Variants in PCLO observed in about 807,000 individuals in gnomAD.
PCLO encodes the protein piccolo presynaptic cytomatrix protein.
PCLO carries 82 observed loss-of-function variants against 427.5 expected under a neutral mutation model. The ratio of observed to expected loss-of-function variants is 0.19; its 90% confidence interval spans 0.16 to 0.23. The LOEUF (loss-of-function observed/expected upper bound fraction) is 0.23. PCLO is among the 10% of genes least tolerant of loss of function. The pLI, the probability that PCLO is intolerant of heterozygous loss-of-function variation, is 1.00. For missense variants in PCLO, 6,239 were observed against 6,115.9 expected (o/e 1.02, Z -0.67); for synonymous variants, 2,357 against 2,155.4 (o/e 1.09, Z -2.59).
rs1486296551 is a variant in PCLO, at chr7:82,840,662, T to C, written c.14097+797A>G. 2.0e-5 allele frequency among the ~76,000 whole-genome samples: 3 copies of C among 152,198 alleles called. No individual in the cohort carries two copies. The East Asian group carries it at 5.8e-4, about 29-fold the overall frequency. Reference sequence around the variant, plus strand: ...AATCTCCCTTTCTTTATGCTTATCTTCAAATTAATTCGAGTTTCTGTTATC... The same window carrying C: ...AATCTCCCTTTCTTTATGCTTATCTCCAAATTAATTCGAGTTTCTGTTATC... On this transcript the variant is annotated intron_variant, in intron 14 of 24. Coordinates refer to ENST00000333891, the MANE Select transcript of PCLO (RefSeq NM_033026.6).
At chr7:83,036,237 G>C (rs539876618) in intron 3 of PCLO, among the ~76,000 whole-genome samples, 2 of 152,038 alleles carry the variant, frequency 1.3e-5, no homozygotes, top group African/African-American at 4.8e-5. Flanking sequence ...TCACCTAGAA[G>C]GCTTGATAAA....
intron 3 of PCLO, among the ~76,000 whole-genome samples, chr7:83,025,678 G>A (rs1788475143): frequency 1.3e-5 from 2 of 151,452 alleles, no homozygotes; most frequent in South Asian, 2.1e-4. Context: ...TGAAATGAAG[G>A]AAAAAATGTT....
chr7:82,966,734 G>A (rs1795783826), intron 3 of PCLO, among the ~76,000 whole-genome samples: 1 of 152,006 alleles, frequency 6.6e-6, no homozygotes, highest in Non-Finnish European at 1.5e-5. Context: ...ATGAGAAAAA[G>A]AAAGAGAAAT....
chr7:82,802,527 G>T (rs1364013658), intron 21 of PCLO, among the ~76,000 whole-genome samples: 3 of 152,012 alleles, frequency 2.0e-5, no homozygotes, highest in East Asian at 3.9e-4. Flanking sequence ...TATTTCTTCG[G>T]CTAGAGAAAA....
chr7:82,922,354 T>G (rs914039974), intron 6 of PCLO, among the ~76,000 whole-genome samples: 1 of 151,906 alleles, frequency 6.6e-6, no homozygotes, highest in African/African-American at 2.4e-5. Flanking sequence ...CCATCAATGG[T>G]AGACTAGATA....
intron 3 of PCLO, among the ~76,000 whole-genome samples, chr7:83,074,562 T>C (rs954538716): frequency 1.3e-5 from 2 of 152,144 alleles, no homozygotes; most frequent in African/African-American, 2.4e-5. Flanking sequence ...CATTAAAATC[T>C]TTTAAAGGAA....
At chr7:82,902,763 G>GT (rs754844882) in intron 8 of PCLO, 22 bp from the exon 9 acceptor site, 2 of 1,294,726 alleles carry the variant, frequency 1.5e-6, no homozygotes, top group Non-Finnish European at 2.2e-6. Flanking sequence ...ATGTAGTAAG[G>GT]TAAAAAACCA....
intron 3 of PCLO, among the ~76,000 whole-genome samples, chr7:83,072,291 AT>A (rs1789838117): frequency 6.6e-6 from 1 of 152,110 alleles, no homozygotes; most frequent in African/African-American, 2.4e-5. Flanking sequence ...ATATTTTAGA[AT>A]AAAAACTTGA....
At chr7:82,925,772 T>G (rs1794699347) in intron 6 of PCLO, among the ~76,000 whole-genome samples, 1 of 144,286 alleles carries the variant, frequency 6.9e-6, no homozygotes, top group African/African-American at 2.6e-5. Flanking sequence ...CAGGCTGAAG[T>G]GCAGTGGTGC....
At position 82,954,980 on chromosome 7, in the gene PCLO, T is replaced by C. The variant is rs764132318; in HGVS notation, c.5973A>G (p.Gln1991=). 18 of 1,613,748 alleles carry C rather than the reference T, an allele frequency of 1.1e-5. No homozygotes were observed. The Admixed American group carries it at 1.8e-4, about 16-fold the overall frequency. Residue 1991 remains glutamine (Q), a synonymous_variant, in exon 5 of 25, where the codon CAA becomes CAG. Coordinates refer to ENST00000333891, the MANE Select transcript of PCLO (RefSeq NM_033026.6). ...AAATCTGTTCTGAAAGTCTTATCTT[T>C]TGCTCTCTTCCTTTCTGCTGCATAA... ...NGFMQQKGRE[Q]KIRLSEQIYE...
chr7:83,039,387 T>C (rs1788915237), intron 3 of PCLO, among the ~76,000 whole-genome samples: 1 of 152,066 alleles, frequency 6.6e-6, no homozygotes, highest in Non-Finnish European at 1.5e-5. Context: ...AGTTAATTTC[T>C]GTATATAGCG....
intron 3 of PCLO, among the ~76,000 whole-genome samples, chr7:83,001,817 G>C (rs990945494): frequency 1.2e-4 from 18 of 151,994 alleles, no homozygotes; most frequent in Non-Finnish European, 2.4e-4. Context: ...AAAGGGACAG[G>C]CTCCGATGCA....
At chr7:82,839,005 A>G (rs1349702662) in intron 14 of PCLO, among the ~76,000 whole-genome samples, 1 of 152,082 alleles carries the variant, frequency 6.6e-6, no homozygotes, top group Non-Finnish European at 1.5e-5. Context: ...CTGCTGCACA[A>G]TTGTGGCTGA....
chr7:82,780,551 T>C (rs1790851134), intron 22 of PCLO, among the ~76,000 whole-genome samples: 1 of 152,140 alleles, frequency 6.6e-6, no homozygotes, highest in Admixed American at 6.5e-5. Flanking sequence ...TTTTGTTTGT[T>C]TGTTTGTTTT....
Position 83,135,609 on chromosome 7 carries a change from G to A in PCLO, c.1941C>T (p.Gly647=), listed in dbSNP as rs190242317. 1.3e-5 allele frequency: 21 copies of A among 1,610,686 alleles called. No individual in the cohort carries two copies. Among genetic ancestry groups the A allele is most frequent in the African/African-American group, 2.7e-5 (2 of 74,772 alleles). The change falls in exon 3 of 25, where the codon GGC becomes GGT. Residue 647 remains glycine (G), a synonymous_variant. Transcript: ENST00000333891. ...CLNCQMKRAL[G]GDLAPVPSSP... ...ATGACGGAACTGGAGCCAGATCCCC[G>A]CCTAGAGCTCTTTTCATTTGACAGT... is the stretch of plus-strand genomic sequence containing the variant.
chr7:82,847,978 T>G (rs1341945645), intron 10 of PCLO, among the ~76,000 whole-genome samples: 1 of 152,174 alleles, frequency 6.6e-6, no homozygotes, highest in Non-Finnish European at 1.5e-5. Context: ...TTTTGTAAAT[T>G]ATGTAGCTGG....
intron 22 of PCLO, among the ~76,000 whole-genome samples, chr7:82,771,977 C>T (rs73708636): frequency 0.011 from 1,605 of 152,054 alleles, 33 homozygotes; most frequent in African/African-American, 0.036. Flanking sequence ...GGAGTTACAA[C>T]GGACTCAAAT....
In PCLO at chr7:82,880,529, C is replaced by G. The variant is rs539712061; in HGVS notation, c.13529-1067G>C. 85 of 222,740 alleles carry G rather than the reference C, an allele frequency of 3.8e-4. No individual in the cohort carries two copies. In the East Asian group the frequency reaches 4.5e-3, roughly 12 times the overall value. The allele number at this position is 222,740 out of a possible 1,614,324, so 13.8% of individuals were successfully genotyped here. On this transcript the variant is annotated intron_variant, in intron 9 of 24. Transcript: ENST00000333891. ...ACAGTGCTGGAATTACAGGCTTGAA[C>G]TCTTTTCTTTTAAAGCAGTGGCTCT...
chr7:83,024,511 C>G (rs1198827250), intron 3 of PCLO, among the ~76,000 whole-genome samples: 2 of 152,160 alleles, frequency 1.3e-5, no homozygotes, highest in African/African-American at 4.8e-5. Context: ...GACTGCAATG[C>G]AGCAGCCAGG....
Sources: allele counts gnomAD v4.1 joint callset (sites outside exome capture counted in the v4.1 genomes callset), GRCh38; gene constraint gnomAD v4.1.1; transcripts MANE v1.5; gene names NCBI Gene and HGNC (gene_info 2026-07-23, HGNC 2026-07-21).